Variants in CFAP36 observed in about 807,000 individuals in gnomAD.
CFAP36 encodes cilia and flagella associated protein 36.
Under a neutral mutation model 50.5 loss-of-function variants are expected in CFAP36, and 37 were observed. The ratio of observed to expected loss-of-function variants is 0.73; its 90% confidence interval spans 0.56 to 0.96. CFAP36 has a LOEUF of 0.96. Among genes scored for constraint, CFAP36 ranks in the 50% least tolerant of loss-of-function variants. The pLI, the probability that CFAP36 is intolerant of heterozygous loss-of-function variation, is 0.00. For missense variants in CFAP36, 407 were observed against 396.2 expected (o/e 1.03, Z -0.23); for synonymous variants, 138 against 128.2 (o/e 1.08, Z -0.52).
chr2:55,533,798 AGG>A, intron 4 of CFAP36, 73 bp from the exon 5 acceptor site: 1 of 759,668 alleles, frequency 1.3e-6, no homozygotes, highest in Non-Finnish European at 2.1e-6. Context: ...CTTGTACTTA[AGG>A]AACGAGAACA....
chr2:55,531,191 T>C (rs1297175319), intron 4 of CFAP36: 1 of 152,234 alleles, frequency 6.6e-6, no homozygotes, highest in African/African-American at 2.4e-5. Context: ...TCTACTGTGG[T>C]TTGCTCTATA....
intron 3 of CFAP36, among the ~76,000 whole-genome samples, chr2:55,524,422 A>AT (rs57908457): frequency 0.011 from 1,100 of 99,300 alleles, 14 homozygotes; most frequent in East Asian, 0.019. Context: ...CACATGGCTA[A>AT]TTTTTTTTTT....
chr2:55,531,940 A>C (rs1684361767), intron 4 of CFAP36, among the ~76,000 whole-genome samples: 1 of 152,224 alleles, frequency 6.6e-6, no homozygotes, highest in Non-Finnish European at 1.5e-5. Context: ...TAGAATAATG[A>C]CTATTGTCAG....
intron 3 of CFAP36, 93 bp downstream of exon 3, chr2:55,523,915 G>T: frequency 1.3e-6 from 1 of 780,584 alleles, no homozygotes; most frequent in South Asian, 2.5e-5. Context: ...TTGACAAAGT[G>T]TAATATTTTA....
At chr2:55,529,726 A>G (rs114709652) in intron 4 of CFAP36, among the ~76,000 whole-genome samples, 89 of 146,504 alleles carry the variant, frequency 6.1e-4, no homozygotes, top group African/African-American at 1.7e-3. Flanking sequence ...GGCTTACTGC[A>G]TGCTCTGCCT....
At chr2:55,537,364 C>T in intron 6 of CFAP36, 119 bp from the exon 7 acceptor site, 1 of 663,794 alleles carries the variant, frequency 1.5e-6, no homozygotes, top group Non-Finnish European at 2.5e-6. Flanking sequence ...GAGTGAGACT[C>T]TGTCTCAAAA....
At chr2:55,544,198 C>T (rs1684713992) in intron 8 of CFAP36, 22 bp from the exon 9 acceptor site, 1 of 1,607,788 alleles carries the variant, frequency 6.2e-7, no homozygotes, top group Non-Finnish European at 8.5e-7. Flanking sequence ...ATTTAGATAG[C>T]TCCTTTTCTT....
intron 5 of CFAP36, among the ~76,000 whole-genome samples, chr2:55,534,224 A>G (rs1684423977): frequency 6.6e-6 from 1 of 152,184 alleles, no homozygotes; most frequent in Non-Finnish European, 1.5e-5. Context: ...CACCAATGGG[A>G]AAAAGTTGCA....
Position 55,544,387 on chromosome 2 carries a change from A to G in CFAP36, c.927+18A>G. 6.3e-7 allele frequency: 1 copy of G among 1,584,666 alleles called. No individual in the cohort carries two copies. Among genetic ancestry groups the G allele is most frequent in the Non-Finnish European group, 8.5e-7 (1 of 1,170,546 alleles). ...AGGTAGAGGTATGGCTAGCCTTAAT[A>G]TGTCAAGATTTACAAATCTGGTGGT... On this transcript the variant is annotated intron_variant, in intron 9 of 9. Coordinates refer to ENST00000349456, the MANE Select transcript of CFAP36 (RefSeq NM_080667.7).
chr2:55,524,311 T>G (rs1308179744), intron 3 of CFAP36, among the ~76,000 whole-genome samples: 1 of 152,154 alleles, frequency 6.6e-6, no homozygotes, highest in East Asian at 1.9e-4. Context: ...GGCTGGAGTT[T>G]AGTGTGATTG....
chr2:55,528,696 GAGA>G (rs1331715683), intron 3 of CFAP36, among the ~76,000 whole-genome samples, 179 bp from the exon 4 acceptor site: 1 of 152,018 alleles, frequency 6.6e-6, no homozygotes, highest in Non-Finnish European at 1.5e-5. Flanking sequence ...GTGCCCGGCT[GAGA>G]ACCCTGTTTT....
In CFAP36 at chr2:55,543,678, T is replaced by A. The variant is rs529169646; in HGVS notation, c.641-260T>A. On this transcript the variant is annotated intron_variant, in intron 7 of 9. Coordinates refer to ENST00000349456, the MANE Select transcript of CFAP36 (RefSeq NM_080667.7). ...GGATTTTAGCTTTTTGTAGCTATAG[T>A]ACTGTACAAACAGCAGAAGCATGGT... Among the ~76,000 whole-genome samples, 9 of 152,286 alleles carry A rather than the reference T, an allele frequency of 5.9e-5. No homozygotes were observed. The South Asian group carries it at 1.9e-3, about 32-fold the overall frequency.
At chr2:55,529,857 A>G (rs1279353298) in intron 4 of CFAP36, among the ~76,000 whole-genome samples, 3 of 152,048 alleles carry the variant, frequency 2.0e-5, no homozygotes, top group Non-Finnish European at 4.4e-5. Context: ...CATGTTAGCC[A>G]GGATGGTCTC....
intron 1 of CFAP36, chr2:55,520,459 TG>T: frequency 6.5e-7 from 1 of 1,549,086 alleles, no homozygotes; most frequent in Non-Finnish European, 8.7e-7. Flanking sequence ...CCGGTGATTT[TG>T]GTGGCCTGTG....
At chr2:55,522,758 T>G (rs1179198467) in intron 2 of CFAP36, among the ~76,000 whole-genome samples, 2 of 152,088 alleles carry the variant, frequency 1.3e-5, no homozygotes, top group Non-Finnish European at 2.9e-5. Context: ...AGTGTTGGGT[T>G]TACAGGTGTG....
chr2:55,521,467 T>G (rs1684059596), intron 1 of CFAP36, among the ~76,000 whole-genome samples: 1 of 152,090 alleles, frequency 6.6e-6, no homozygotes, highest in African/African-American at 2.4e-5. Context: ...TAATATTACA[T>G]TAAAAGTTAT....
At chr2:55,533,473 G>T (rs530217460) in intron 4 of CFAP36, among the ~76,000 whole-genome samples, 2 of 152,154 alleles carry the variant, frequency 1.3e-5, no homozygotes, top group South Asian at 4.1e-4. Flanking sequence ...GTAGGCCGAG[G>T]GGGGCAGATG....
chr2:55,522,188 T>C (rs777645554), intron 2 of CFAP36, 22 bp downstream of exon 2: 21 of 1,280,230 alleles, frequency 1.6e-5, no homozygotes. Flanking sequence ...TTTTCACTGA[T>C]TTTTAAAAGT....
At chr2:55,529,076 C>A in intron 4 of CFAP36, 84 bp downstream of exon 4, 1 of 883,852 alleles carries the variant, frequency 1.1e-6, no homozygotes, top group Non-Finnish European at 1.7e-6. Context: ...TTAAATGTAG[C>A]TGTCTCATGT....
Sources: gnomAD v4.1 joint callset for allele counts (sites outside exome capture counted in the v4.1 genomes callset) on GRCh38, gnomAD v4.1.1 for gene constraint, MANE v1.5 for transcripts, NCBI Gene and HGNC (gene_info 2026-07-23, HGNC 2026-07-21) for gene names.